Variants in BTBD9 observed in about 807,000 individuals in gnomAD.
BTBD9 encodes the protein BTB/POZ domain-containing protein 9.
Under a neutral mutation model 64.3 loss-of-function variants are expected in BTBD9, and 49 were observed. The ratio of observed to expected loss-of-function variants is 0.76; its 90% CI spans 0.61 to 0.97. The LOEUF (loss-of-function observed/expected upper bound fraction) is 0.97. Ranked by LOEUF, BTBD9 falls within the 50% of genes least tolerant of loss-of-function variation. The pLI is 0.00. For synonymous variants in BTBD9, 260 were observed against 274.7 expected, an observed-to-expected ratio of 0.95 and a Z score of 0.53; for missense variants, 598 against 762.1, an observed-to-expected ratio of 0.78 and a Z score of 2.53.
At chr6:38,318,355 A>G (rs1029239495) in intron 7 of BTBD9, among the ~76,000 whole-genome samples, 7 of 152,046 alleles carry the variant, frequency 4.6e-5, no homozygotes. Context: ...AGTGTTAGGT[A>G]TTTCTTGTAG....
At chr6:38,597,790 T>G (rs1293000497) in intron 2 of BTBD9, 120 bp downstream of exon 2, 1 of 808,068 alleles carries the variant, frequency 1.2e-6, no homozygotes, top group African/African-American at 1.7e-5. Flanking sequence ...TTCATAGATA[T>G]TGAATTGAGA....
At chr6:38,288,944 A>G (rs1456391004) in intron 7 of BTBD9, among the ~76,000 whole-genome samples, 1 of 152,234 alleles carries the variant, frequency 6.6e-6, no homozygotes, top group Admixed American at 6.5e-5. Context: ...GAAAAAAAGA[A>G]AAAGCAAGGC....
At chr6:38,637,882 T>C (rs542732348) in intron 1 of BTBD9, among the ~76,000 whole-genome samples, 2 of 152,224 alleles carry the variant, frequency 1.3e-5, no homozygotes, top group Non-Finnish European at 2.9e-5. Flanking sequence ...ACAACCTCTA[T>C]CCCACCTTAC....
intron 10 of BTBD9, among the ~76,000 whole-genome samples, chr6:38,177,832 C>A (rs1581998221): frequency 6.6e-6 from 1 of 152,372 alleles, no homozygotes; most frequent in East Asian, 1.9e-4. Flanking sequence ...ATGGCTGTTA[C>A]TCCCAACACA....
At chr6:38,491,418 C>T (rs1354209112) in intron 6 of BTBD9, among the ~76,000 whole-genome samples, 1 of 152,172 alleles carries the variant, frequency 6.6e-6, no homozygotes. Context: ...TCCTTACCTA[C>T]CATTGCTAAC....
chr6:38,565,352 T>TACCAGTAGTATGCA (rs1775445392), intron 6 of BTBD9, among the ~76,000 whole-genome samples: 1 of 152,204 alleles, frequency 6.6e-6, no homozygotes, highest in Non-Finnish European at 1.5e-5. Context: ...ACTCACTAGA[T>TACCAGTAGTATGCA]ACCAGTAGTA....
chr6:38,534,592 A>G (rs1248387255), intron 6 of BTBD9, among the ~76,000 whole-genome samples: 4 of 152,216 alleles, frequency 2.6e-5, no homozygotes, highest in East Asian at 3.9e-4. Context: ...CTACAGGTCA[A>G]TATCCCTGAT....
chr6:38,613,910 C>T (rs1300786004), intron 1 of BTBD9, among the ~76,000 whole-genome samples: 1 of 152,136 alleles, frequency 6.6e-6, no homozygotes, highest in African/African-American at 2.4e-5. Context: ...AAGTCCCTTC[C>T]AGCTATGAGT....
At chr6:38,379,710 T>C (rs1419726121) in intron 6 of BTBD9, among the ~76,000 whole-genome samples, 1 of 152,140 alleles carries the variant, frequency 6.6e-6, no homozygotes, top group Non-Finnish European at 1.5e-5. Flanking sequence ...AAAAACTAAC[T>C]TCAGGAAAAA....
intron 6 of BTBD9, among the ~76,000 whole-genome samples, chr6:38,533,211 G>T (rs980844106): frequency 3.3e-5 from 5 of 151,938 alleles, no homozygotes; most frequent in African/African-American, 4.8e-5. Flanking sequence ...AAAATAAAGG[G>T]ATGGAAAAAG....
intron 9 of BTBD9, among the ~76,000 whole-genome samples, chr6:38,220,773 G>A (rs952755663): frequency 1.2e-4 from 19 of 152,194 alleles, no homozygotes; most frequent in Non-Finnish European, 5.9e-5. Flanking sequence ...TTAATTATGC[G>A]AAGACAATGT....
chr6:38,555,933 T>G (rs1049075481), intron 6 of BTBD9, among the ~76,000 whole-genome samples: 1 of 152,224 alleles, frequency 6.6e-6, no homozygotes, highest in Non-Finnish European at 1.5e-5. Context: ...TAAAACACTA[T>G]AACTAATGGG....
At chr6:38,513,100 C>T (rs1022310284) in intron 6 of BTBD9, among the ~76,000 whole-genome samples, 1 of 152,092 alleles carries the variant, frequency 6.6e-6, no homozygotes, top group Admixed American at 6.6e-5. Flanking sequence ...CCAGGCAATC[C>T]TAAGGTTTAC....
At chr6:38,577,826 A>G (rs1582661777) in intron 5 of BTBD9, 107 bp from the exon 6 acceptor site, 1 of 989,130 alleles carries the variant, frequency 1.0e-6, no homozygotes, top group East Asian at 2.7e-5. Flanking sequence ...GAATTCACTA[A>G]TTACATTTTC....
intron 10 of BTBD9, among the ~76,000 whole-genome samples, chr6:38,185,142 A>G (rs553182813): frequency 6.6e-6 from 1 of 150,904 alleles, no homozygotes; most frequent in South Asian, 2.1e-4. Flanking sequence ...GGATCACTCG[A>G]TCCGTTTTAC....
At chr6:38,532,755 C>T (rs1360090118) in intron 6 of BTBD9, among the ~76,000 whole-genome samples, 1 of 151,886 alleles carries the variant, frequency 6.6e-6, no homozygotes, top group African/African-American at 2.4e-5. Flanking sequence ...ACTAAAGAGC[C>T]CTTGGACCCT....
chr6:38,259,223 A>G (rs777509952), intron 8 of BTBD9, among the ~76,000 whole-genome samples: 4 of 152,234 alleles, frequency 2.6e-5, no homozygotes, highest in Non-Finnish European at 5.9e-5. Flanking sequence ...TATCTGGTTC[A>G]CAATTTACAA....
At chr6:38,408,524 T>G (rs574239124) in intron 6 of BTBD9, among the ~76,000 whole-genome samples, 1 of 152,202 alleles carries the variant, frequency 6.6e-6, no homozygotes, top group Non-Finnish European at 1.5e-5. Context: ...TTTGCTCGGG[T>G]TGAAATAATT....
At chr6:38,425,979 A>G (rs565607135) in intron 6 of BTBD9, among the ~76,000 whole-genome samples, 1 of 151,288 alleles carries the variant, frequency 6.6e-6, no homozygotes, top group Admixed American at 6.6e-5. Flanking sequence ...AGCCCAGACC[A>G]GAAGCTATAA....
Sources: allele counts gnomAD v4.1 joint callset (sites outside exome capture counted in the v4.1 genomes callset), GRCh38; gene constraint gnomAD v4.1.1; transcripts MANE v1.5; gene names NCBI Gene and HGNC (gene_info 2026-07-23, HGNC 2026-07-21).